Variants in REDIC1 observed in about 807,000 individuals in gnomAD.
REDIC1 encodes the protein regulator of DNA class I crossover intermediates 1, also known as HEI10 Interacting Protein 1.
the REDIC1 span, among the ~76,000 whole-genome samples, chr12:39,778,017 T>C: frequency 6.6e-6 from 1 of 152,152 alleles, no homozygotes; most frequent in Non-Finnish European, 1.5e-5. Context: ...CCACTGGGGC[T>C]TCAGCTGTAA....
the REDIC1 span, among the ~76,000 whole-genome samples, chr12:39,678,859 T>C: frequency 6.6e-6 from 1 of 152,164 alleles, no homozygotes; most frequent in East Asian, 1.9e-4. Context: ...ATATGATCAT[T>C]TCAATAGATG....
chr12:39,779,003 C>G, the REDIC1 span, among the ~76,000 whole-genome samples: 1 of 152,140 alleles, frequency 6.6e-6, no homozygotes, highest in Non-Finnish European at 1.5e-5. Flanking sequence ...GAGTCAGAAC[C>G]AGGACGTAGG....
chr12:39,651,196 G>C, the REDIC1 span, among the ~76,000 whole-genome samples: 12 of 152,220 alleles, frequency 7.9e-5, no homozygotes, highest in Non-Finnish European at 1.3e-4. Context: ...CAATTATAAT[G>C]ATATACTGTT....
At chr12:39,805,773 T>C in the REDIC1 span, among the ~76,000 whole-genome samples, 1 of 152,114 alleles carries the variant, frequency 6.6e-6, no homozygotes, top group African/African-American at 2.4e-5. Context: ...CAGATCTGAG[T>C]GGGCAAGTCA....
the REDIC1 span, among the ~76,000 whole-genome samples, chr12:39,815,260 A>G: frequency 1.3e-5 from 2 of 152,230 alleles, no homozygotes; most frequent in East Asian, 1.9e-4. Context: ...TCAAAAATAG[A>G]AAAAGAGAAA....
chr12:39,720,246 A>G, the REDIC1 span, among the ~76,000 whole-genome samples: 1 of 151,828 alleles, frequency 6.6e-6, no homozygotes, highest in Non-Finnish European at 1.5e-5. Context: ...CTATTACCTG[A>G]TGCTCTTCTT....
the REDIC1 span, chr12:39,758,914 G>C: frequency 2.0e-5 from 3 of 151,726 alleles, no homozygotes; most frequent in Non-Finnish European, 4.4e-5. Flanking sequence ...ATTTCCCTTA[G>C]GAAGAGCTAA....
the REDIC1 span, among the ~76,000 whole-genome samples, chr12:39,894,997 A>G: frequency 4.6e-5 from 7 of 152,220 alleles, no homozygotes; most frequent in African/African-American, 1.4e-4. Context: ...TGACCAAATC[A>G]TCCTGCAAGG....
At chr12:39,893,663 T>C in the REDIC1 span, among the ~76,000 whole-genome samples, 1 of 152,180 alleles carries the variant, frequency 6.6e-6, no homozygotes, top group Non-Finnish European at 1.5e-5. Context: ...AAAAGTTAAA[T>C]TCTAACTAGA....
the REDIC1 span, chr12:39,684,803 T>C: frequency 8.1e-7 from 1 of 1,241,956 alleles, no homozygotes; most frequent in Non-Finnish European, 1.2e-6. Context: ...GGAACTCTAA[T>C]TTAGAACAAT....
the REDIC1 span, among the ~76,000 whole-genome samples, chr12:39,729,670 T>C: frequency 6.6e-6 from 1 of 152,194 alleles, no homozygotes; most frequent in Non-Finnish European, 1.5e-5. Context: ...AGATGTCTAT[T>C]AGGTCCACTT....
the REDIC1 span, among the ~76,000 whole-genome samples, chr12:39,640,514 C>T: frequency 6.6e-6 from 1 of 151,904 alleles, no homozygotes; most frequent in Non-Finnish European, 1.5e-5. Context: ...TCTAGCAATA[C>T]ACTTCACATT....
chr12:39,851,644 A>T, the REDIC1 span, among the ~76,000 whole-genome samples: 1 of 152,198 alleles, frequency 6.6e-6, no homozygotes, highest in Non-Finnish European at 1.5e-5. Context: ...CAATTCAGAT[A>T]CACACATAGG....
At chr12:39,680,876 A>C in the REDIC1 span, among the ~76,000 whole-genome samples, 1 of 152,202 alleles carries the variant, frequency 6.6e-6, no homozygotes, top group Non-Finnish European at 1.5e-5. Flanking sequence ...ATGGAGTTGG[A>C]AACTATTATT....
At chr12:39,819,811 A>C in the REDIC1 span, 1 of 153,376 alleles carries the variant, frequency 6.5e-6, no homozygotes, top group African/African-American at 2.4e-5. Flanking sequence ...GCAGAGAAAA[A>C]TAACAGACAT....
At chr12:39,682,868 TAAAG>T in the REDIC1 span, 6 of 1,612,668 alleles carry the variant, frequency 3.7e-6, no homozygotes, top group Non-Finnish European at 5.1e-6. Context: ...GAGCAAAGGA[TAAAG>T]AAAACATTTA....
the REDIC1 span, among the ~76,000 whole-genome samples, chr12:39,788,417 G>A: frequency 1.2e-4 from 19 of 152,116 alleles, no homozygotes; most frequent in Non-Finnish European, 2.4e-4. Context: ...AATGATTAAG[G>A]TGCAGCTAGC....
the REDIC1 span, chr12:39,757,155 G>A: frequency 6.6e-6 from 1 of 151,708 alleles, no homozygotes; most frequent in African/African-American, 2.4e-5. Flanking sequence ...CTTAAGTCTA[G>A]TGCAGATCAG....
At chr12:39,713,100 C>A in the REDIC1 span, among the ~76,000 whole-genome samples, 1 of 145,978 alleles carries the variant, frequency 6.9e-6, no homozygotes, top group Non-Finnish European at 1.5e-5. Context: ...TAGATATGTG[C>A]ATATACGTAT....
Sources: allele counts gnomAD v4.1 joint callset (sites outside exome capture counted in the v4.1 genomes callset), GRCh38; gene constraint gnomAD v4.1.1; transcripts MANE v1.5; gene names NCBI Gene and HGNC (gene_info 2026-07-23, HGNC 2026-07-21).